DYNC2I2: variants seen among roughly 807,000 people sequenced by gnomAD.
DYNC2I2 encodes the protein dynein 2 intermediate chain 2, also known as cytoplasmic dynein 2 intermediate chain 2.
In DYNC2I2, 39 loss-of-function variants were observed where a neutral mutation model predicts 52.0. The ratio of observed to expected loss-of-function variants is 0.75; its 90% CI spans 0.58 to 0.98. The LOEUF (loss-of-function observed/expected upper bound fraction) is 0.98, where lower values mean the gene tolerates loss of function less well. Ranked by LOEUF, DYNC2I2 falls within the 50% of genes least tolerant of loss-of-function variation. The pLI, the probability that DYNC2I2 is intolerant of heterozygous loss-of-function variation, is 0.00. For missense variants in DYNC2I2, 743 were observed against 728.4 expected (o/e 1.02, Z -0.23); for synonymous variants, 359 against 321.1 (o/e 1.12, Z -1.26).
At position 128,634,894 on chromosome 9, in the gene DYNC2I2, C is replaced by T. The variant is rs1173957681; in HGVS notation, c.1009G>A (p.Ala337Thr). ...AAGCTGGAGAAGGCCACTGCCGTGG[C>T]GCCCACCTCGGTCTCCCCGCGGGGA... ...KHPRGETEVG[A>T]TAVAFSSFDP... Residue 337 changes from alanine to threonine, a missense_variant, in exon 7 of 9, where the codon GCC becomes ACC. Transcript: ENST00000372715. 2 of 1,612,738 alleles carry T rather than the reference C, an allele frequency of 1.2e-6. No individual in the cohort carries two copies. The highest frequency in any genetic ancestry group is 8.5e-7 in the Non-Finnish European group (1 of 1,179,866).
Position 128,634,729 on chromosome 9 carries a change from C to CGTGGGGGGAGAAGGTAAACT in DYNC2I2, c.1154_1173dup (p.Gly392SerfsTer14). 6.3e-7 allele frequency: 1 copy of CGTGGGGGGAGAAGGTAAACT among 1,593,350 alleles called. No individual in the cohort carries two copies. Among genetic ancestry groups the CGTGGGGGGAGAAGGTAAACT allele is most frequent in the Non-Finnish European group, 8.5e-7 (1 of 1,170,694 alleles). ...CAGCTCACAGAGTAGATGGGACCGC[C>CGTGGGGGGAGAAGGTAAACT]GTGGGGGGAGAAGGTAAACTGTGCT... On this transcript the variant is annotated frameshift_variant, in exon 7 of 9. Coordinates refer to ENST00000372715, the MANE Select transcript of DYNC2I2 (RefSeq NM_052844.4). LOFTEE classifies it high-confidence loss of function.
At chr9:128,659,728 G>A (rs1332333938), upstream of DYNC2I2, among the ~76,000 whole-genome samples, 1 of 151,848 alleles carries the variant, frequency 6.6e-6, no homozygotes, top group African/African-American at 2.4e-5. Context: ...GACCAACATG[G>A]TGAAACCCTG....
the DYNC2I2 span, among the ~76,000 whole-genome samples, chr9:128,679,447 T>A: frequency 6.6e-6 from 1 of 152,112 alleles, no homozygotes; most frequent in Non-Finnish European, 1.5e-5. Context: ...ATGACTAAGA[T>A]TTAGTTAAAG....
Position 128,634,725 on chromosome 9 carries a change from C to T in DYNC2I2, c.1178G>A (p.Gly393Asp), listed in dbSNP as rs1181220796. The change falls in exon 7 of 9, where the codon GGT becomes GAT. Residue 393 changes from glycine to aspartate, a missense_variant. Physicochemically the swap from Gly to Asp is moderately conservative, Grantham distance 94 (BLOSUM62 -1). Transcript: ENST00000372715. ...PAQFTFSPHG[G>D]PIYSVSCSPF... ...GGAACAGCTCACAGAGTAGATGGGA[C>T]CGCCGTGGGGGGAGAAGGTAAACTG... The T allele has an allele frequency of 6.3e-7, 1 of 1,589,880 alleles. No homozygotes were observed.
intron 1 of DYNC2I2, among the ~76,000 whole-genome samples, chr9:128,646,522 G>T (rs1353136737): frequency 1.3e-5 from 2 of 152,154 alleles, no homozygotes; most frequent in East Asian, 3.9e-4. Context: ...CAAAGTAGAT[G>T]AAACATTAGA....
the DYNC2I2 span, among the ~76,000 whole-genome samples, chr9:128,677,904 G>A: frequency 2.0e-5 from 3 of 152,170 alleles, no homozygotes; most frequent in South Asian, 6.2e-4. Flanking sequence ...CTTTCTCTGG[G>A]GACAGCCATG....
At chr9:128,669,141 G>A in the DYNC2I2 span, among the ~76,000 whole-genome samples, 27 of 151,970 alleles carry the variant, frequency 1.8e-4, no homozygotes, top group East Asian at 1.9e-3. Flanking sequence ...CGAGGCGGGC[G>A]GATCACGAGG....
chr9:128,659,367 C>A (rs1860891475), upstream of DYNC2I2, among the ~76,000 whole-genome samples: 1 of 151,232 alleles, frequency 6.6e-6, no homozygotes, highest in African/African-American at 2.4e-5. Flanking sequence ...TGGTGGCGGG[C>A]GCCTGTAGTC....
intron 1 of DYNC2I2, among the ~76,000 whole-genome samples, chr9:128,641,976 T>TACACACACAC (rs142269423): frequency 4.8e-5 from 7 of 146,994 alleles, no homozygotes; most frequent in African/African-American, 1.7e-4. Context: ...TTTATATACA[T>TACACACACAC]ACACACACAC....
At chr9:128,645,497 G>A (rs938718533) in intron 1 of DYNC2I2, among the ~76,000 whole-genome samples, 1 of 149,842 alleles carries the variant, frequency 6.7e-6, no homozygotes, top group African/African-American at 2.5e-5. Context: ...GGCGCCTGTA[G>A]TCCCAACTAC....
chr9:128,647,113 G>A (rs575416240), intron 1 of DYNC2I2, among the ~76,000 whole-genome samples: 9 of 152,066 alleles, frequency 5.9e-5, no homozygotes, highest in Non-Finnish European at 1.0e-4. Context: ...CAACAAGGGC[G>A]AAACTCTGTC....
the DYNC2I2 span, among the ~76,000 whole-genome samples, chr9:128,671,119 G>A: frequency 7.3e-5 from 11 of 150,112 alleles, no homozygotes; most frequent in African/African-American, 2.2e-4. Context: ...TAGAAAAGCA[G>A]TAGCATCATC....
At position 128,634,117 on chromosome 9, in the gene DYNC2I2, C is replaced by T. The variant is rs1860293042; in HGVS notation, c.1372+109G>A. ...TTGAGTTGGGTTGCTGGAGGGAAGC[C>T]GTCCTTACCCCCATGTGTGGTCTTT... On this transcript the variant is annotated intron_variant, in intron 8 of 8. Coordinates refer to ENST00000372715, the MANE Select transcript of DYNC2I2 (RefSeq NM_052844.4). The T allele has an allele frequency of 7.7e-6, 12 of 1,560,936 alleles. No homozygotes were observed. In the South Asian group the frequency reaches 8.3e-5, roughly 11 times the overall value.
the DYNC2I2 span, among the ~76,000 whole-genome samples, chr9:128,668,002 C>G: frequency 5.3e-5 from 7 of 132,182 alleles, no homozygotes; most frequent in Non-Finnish European, 7.8e-5. Flanking sequence ...CGCTCTGTCA[C>G]CAGGCTGGAG....
the DYNC2I2 span, among the ~76,000 whole-genome samples, chr9:128,674,881 G>A: frequency 5.9e-5 from 9 of 151,974 alleles, no homozygotes; most frequent in Non-Finnish European, 1.0e-4. Flanking sequence ...CCCAGCCAAT[G>A]ATAACTTTTT....
intron 1 of DYNC2I2, among the ~76,000 whole-genome samples, chr9:128,649,138 GCA>G (rs1237416151): frequency 1.3e-5 from 2 of 152,128 alleles, no homozygotes; most frequent in South Asian, 2.1e-4. Flanking sequence ...CCTCTGAATT[GCA>G]CACTTTTTAA....
At chr9:128,665,600 T>C in the DYNC2I2 span, among the ~76,000 whole-genome samples, 2 of 151,594 alleles carry the variant, frequency 1.3e-5, no homozygotes, top group African/African-American at 4.8e-5. Flanking sequence ...TGAAACGCTG[T>C]CCCTACTAAA....
At chr9:128,662,784 G>C in the DYNC2I2 span, among the ~76,000 whole-genome samples, 5 of 151,766 alleles carry the variant, frequency 3.3e-5, no homozygotes, top group Non-Finnish European at 7.4e-5. Context: ...GGCTGGTCTC[G>C]AGCTCCTGAC....
chr9:128,637,120 C>T (rs1589430234), intron 2 of DYNC2I2, 93 bp from the exon 3 acceptor site: 2 of 783,900 alleles, frequency 2.6e-6, no homozygotes, highest in East Asian at 2.7e-5. Flanking sequence ...CCACCCTTAG[C>T]CCTAGAGGCC....
Sources: gnomAD v4.1 joint callset for allele counts (sites outside exome capture counted in the v4.1 genomes callset) on GRCh38, gnomAD v4.1.1 for gene constraint, MANE v1.5 for transcripts, NCBI Gene and HGNC (gene_info 2026-07-23, HGNC 2026-07-21) for gene names.